Variants in GDAP1 observed in about 807,000 individuals in gnomAD.
GDAP1 encodes the protein ganglioside induced differentiation associated protein 1.
In GDAP1, 34 loss-of-function variants were observed where a neutral mutation model predicts 40.1. The ratio of observed to expected loss-of-function variants is 0.85; its 90% CI spans 0.64 to 1.13. The LOEUF (loss-of-function observed/expected upper bound fraction) is 1.13, where lower values mean the gene tolerates loss of function less well. GDAP1 is among the 50% of genes most tolerant of loss of function. The pLI is 0.00. For missense variants in GDAP1, 374 were observed against 433.7 expected (o/e 0.86, Z 1.22); for synonymous variants, 170 against 157.4 (o/e 1.08, Z -0.60).
chr8:74,405,059 A>T (rs1001653984), intron 2 of GDAP1, among the ~76,000 whole-genome samples: 1 of 150,180 alleles, frequency 6.7e-6, no homozygotes, highest in Non-Finnish European at 1.5e-5. Flanking sequence ...TGGATAATTT[A>T]TAAAGAAAAA....
At chr8:74,414,510 A>C (rs1292211541) in intron 2 of GDAP1, among the ~76,000 whole-genome samples, 1 of 150,102 alleles carries the variant, frequency 6.7e-6, no homozygotes, top group African/African-American at 2.5e-5. Context: ...GAATAAAAAA[A>C]CCCACCCCAA....
chr8:74,484,357 TATTC>T (rs1379829548), intron 2 of GDAP1, among the ~76,000 whole-genome samples: 3 of 152,302 alleles, frequency 2.0e-5, no homozygotes, highest in African/African-American at 7.2e-5. Flanking sequence ...ACTGAGCTTT[TATTC>T]ATTCATTCAG....
At chr8:74,381,894 A>G (rs1809959518) in intron 2 of GDAP1, among the ~76,000 whole-genome samples, 1 of 151,984 alleles carries the variant, frequency 6.6e-6, no homozygotes, top group Admixed American at 6.6e-5. Flanking sequence ...TTTACTTTGT[A>G]TTCCATGTTT....
chr8:74,393,501 A>G lies in GDAP1; in HGVS notation c.165+42180A>G, dbSNP rs10755956. 7.2e-4 allele frequency among the ~76,000 whole-genome samples: 110 copies of G among 152,306 alleles called. 1 individual carries two copies. The South Asian group carries it at 0.023, about 31-fold the overall frequency. ...AAACTGTGTGAGGTATCCTGGATCA[A>G]AATGTTCTGAACAGCCTAGAAAAAT... On this transcript the variant is annotated intron_variant, in intron 2 of 2. Transcript: ENST00000523640.
chr8:74,364,728 A>G lies in GDAP1; in HGVS notation c.*361A>G, dbSNP rs946460857. 5 of 465,488 alleles carry G rather than the reference A, an allele frequency of 1.1e-5. No individual in the cohort carries two copies. The highest frequency in any genetic ancestry group is 1.7e-5 in the Non-Finnish European group (4 of 234,842). The allele number at this position is 465,488 out of a possible 1,614,324, so 28.8% of individuals were successfully genotyped here. ...AGTTACTTGTGGCTACTGCCCACAC[A>G]TACACTTCTGTAATTGAGAACTCTT... On this transcript the variant is annotated 3_prime_UTR_variant, in exon 6 of 6. Coordinates refer to ENST00000220822, the MANE Select transcript of GDAP1 (RefSeq NM_018972.4).
intron 2 of GDAP1, among the ~76,000 whole-genome samples, chr8:74,442,298 G>A (rs76664402): frequency 3.9e-5 from 6 of 152,164 alleles, no homozygotes; most frequent in East Asian, 1.9e-4. Context: ...CAGAGGATCC[G>A]GTACCTTCTG....
At chr8:74,359,557 A>G (rs1044186934) in intron 2 of GDAP1, among the ~76,000 whole-genome samples, 3 of 152,232 alleles carry the variant, frequency 2.0e-5, no homozygotes, top group Admixed American at 1.3e-4. Flanking sequence ...CACATGTGTC[A>G]GTAGGGTCAC....
At position 74,364,486 on chromosome 8, in the gene GDAP1, A is replaced by G. The variant is rs773046770; in HGVS notation, c.*119A>G. ...AGCAGTATTTTTTCCTAAAATTCAG[A>G]AGTCATCTTTGTTACACAACACAGG... On this transcript the variant is annotated 3_prime_UTR_variant, in exon 6 of 6. Coordinates refer to ENST00000220822, the MANE Select transcript of GDAP1 (RefSeq NM_018972.4). 1.8e-5 allele frequency: 19 copies of G among 1,075,306 alleles called. No homozygotes were observed. The South Asian group carries it at 1.9e-4, about 11-fold the overall frequency. 66.6% of individuals were successfully genotyped at this position (1,075,306 alleles called of 1,614,324 possible).
chr8:74,402,046 C>G (rs1312162324), intron 2 of GDAP1, among the ~76,000 whole-genome samples: 3 of 150,220 alleles, frequency 2.0e-5, no homozygotes, highest in Non-Finnish European at 4.4e-5. Context: ...TCTCAGATCT[C>G]CAGCTGCGTG....
intron 2 of GDAP1, among the ~76,000 whole-genome samples, chr8:74,482,799 G>A (rs1046490520): frequency 6.6e-6 from 1 of 152,188 alleles, no homozygotes; most frequent in East Asian, 1.9e-4. Flanking sequence ...GAACTTTGGT[G>A]TGAAATGATG....
chr8:74,462,272 A>G (rs1806411069), intron 2 of GDAP1, among the ~76,000 whole-genome samples: 1 of 152,170 alleles, frequency 6.6e-6, no homozygotes, highest in African/African-American at 2.4e-5. Flanking sequence ...TGTGTGTTCT[A>G]AGTGGAGCTA....
At chr8:74,472,108 T>G (rs1806565090) in intron 2 of GDAP1, among the ~76,000 whole-genome samples, 1 of 152,172 alleles carries the variant, frequency 6.6e-6, no homozygotes, top group Non-Finnish European at 1.5e-5. Flanking sequence ...CACTCTCCGA[T>G]AGTCCTCAGT....
At chr8:74,413,102 T>G (rs1805736246) in intron 2 of GDAP1, among the ~76,000 whole-genome samples, 1 of 136,078 alleles carries the variant, frequency 7.3e-6, no homozygotes. Flanking sequence ...TTCTGAAGCC[T>G]CTGTATACAT....
At chr8:74,370,450 G>A (rs374687349), downstream of GDAP1, among the ~76,000 whole-genome samples, 3 of 152,196 alleles carry the variant, frequency 2.0e-5, no homozygotes, top group South Asian at 2.1e-4. Context: ...TGTCAAGGGT[G>A]AAGTAGTGCA....
chr8:74,476,476 G>C (rs1486582657), intron 2 of GDAP1, among the ~76,000 whole-genome samples: 2 of 152,150 alleles, frequency 1.3e-5, no homozygotes, highest in Admixed American at 6.6e-5. Context: ...AGGCAGGTCT[G>C]GTGGTAACAA....
rs1486645894 is a variant in GDAP1 at position 74,403,357 on chromosome 8, C to G, written c.165+52036C>G. On this transcript the variant is annotated intron_variant, in intron 2 of 2. Coordinates refer to the GDAP1 transcript ENST00000523640. ...GAGGAAATAGAAGAAGAGGGGATTG[C>G]AAACAGATTTAAAAGTTTAATTATT... Among the ~76,000 whole-genome samples the G allele has an allele frequency of 2.0e-5, 3 of 150,000 alleles. 1 individual carries two copies. Among genetic ancestry groups the G allele is most frequent in the African/African-American group, 7.6e-5 (3 of 39,356 alleles).
intron 1 of GDAP1, 91 bp downstream of exon 1, chr8:74,350,669 A>T: frequency 2.2e-6 from 2 of 900,126 alleles, no homozygotes; most frequent in Non-Finnish European, 3.7e-6. Flanking sequence ...AAGCCGGTCC[A>T]CCTAGAAATC....
At chr8:74,428,024 A>G (rs889266479) in intron 2 of GDAP1, among the ~76,000 whole-genome samples, 1 of 152,222 alleles carries the variant, frequency 6.6e-6, no homozygotes, top group Non-Finnish European at 1.5e-5. Flanking sequence ...AAATCCCCAG[A>G]GACAACAGTA....
intron 2 of GDAP1, among the ~76,000 whole-genome samples, chr8:74,381,599 T>C (rs1040464133): frequency 1.3e-5 from 2 of 151,850 alleles, no homozygotes; most frequent in African/African-American, 4.8e-5. Context: ...CTACTAAAAA[T>C]ACAAAAATTA....
Sources: gnomAD v4.1 joint callset for allele counts (sites outside exome capture counted in the v4.1 genomes callset) on GRCh38, gnomAD v4.1.1 for gene constraint, MANE v1.5 for transcripts, NCBI Gene and HGNC (gene_info 2026-07-23, HGNC 2026-07-21) for gene names.